The following MSRA variants were observed in gnomAD, a reference collection of about 807,000 sequenced individuals.
The protein encoded by MSRA is mitochondrial peptide methionine sulfoxide reductase.
In MSRA, 54 loss-of-function variants were observed where a neutral mutation model predicts 31.3. That is an observed-to-expected ratio of 1.73 (90% CI 1.39 to 2.17). MSRA has a LOEUF of 2.17. MSRA is among the 30% of genes most tolerant of loss of function. MSRA has a pLI of 0.00. For synonymous variants in MSRA, 169 were observed against 116.5 expected (o/e 1.45, Z -2.90); for missense variants, 507 against 300.9 (o/e 1.69, Z -5.07).
intron 3 of MSRA, among the ~76,000 whole-genome samples, chr8:10,257,881 C>T (rs983722588): frequency 3.9e-5 from 6 of 152,224 alleles, no homozygotes; most frequent in East Asian, 1.9e-4. Flanking sequence ...GCCAGGTCAG[C>T]GCAGCAGAGA....
At chr8:10,116,568 A>G (rs992825717) in intron 1 of MSRA, among the ~76,000 whole-genome samples, 1 of 152,198 alleles carries the variant, frequency 6.6e-6, no homozygotes, top group African/African-American at 2.4e-5. Context: ...TAAGTAGACA[A>G]ATCACTTGGA....
chr8:10,195,727 T>C (rs1406315584), intron 1 of MSRA, among the ~76,000 whole-genome samples: 1 of 152,220 alleles, frequency 6.6e-6, no homozygotes, highest in East Asian at 1.9e-4. Context: ...TAAAGTCACA[T>C]ATTTAGCTAT....
intron 1 of MSRA, among the ~76,000 whole-genome samples, chr8:10,116,547 AG>A (rs1800692501): frequency 6.6e-6 from 1 of 152,240 alleles, no homozygotes; most frequent in African/African-American, 2.4e-5. Context: ...GTAGGCTGGT[AG>A]CCATCTAGAT....
chr8:10,337,229 G>C (rs888641426), intron 5 of MSRA: 1 of 152,862 alleles, frequency 6.5e-6, no homozygotes. Flanking sequence ...ACCCAGGCTG[G>C]AGTGCAGTGG....
intron 5 of MSRA, among the ~76,000 whole-genome samples, chr8:10,347,013 C>A (rs954773916): frequency 3.3e-5 from 5 of 152,204 alleles, no homozygotes; most frequent in Admixed American, 6.5e-5. Flanking sequence ...TCCTCACAGA[C>A]CCTCTTTCCA....
intron 1 of MSRA, among the ~76,000 whole-genome samples, chr8:10,103,294 T>C (rs1291745959): frequency 6.6e-6 from 1 of 152,224 alleles, no homozygotes; most frequent in Non-Finnish European, 1.5e-5. Flanking sequence ...TAAAGTATTC[T>C]GTTTCATTTG....
At chr8:10,142,905 A>G (rs530280937) in intron 1 of MSRA, among the ~76,000 whole-genome samples, 1 of 152,322 alleles carries the variant, frequency 6.6e-6, no homozygotes, top group Non-Finnish European at 1.5e-5. Context: ...TTTATTTCCA[A>G]AAACTCTAAT....
At chr8:10,173,596 G>A (rs375768066) in intron 1 of MSRA, among the ~76,000 whole-genome samples, 5 of 152,080 alleles carry the variant, frequency 3.3e-5, no homozygotes, top group South Asian at 2.1e-4. Context: ...CACCTCAAAC[G>A]TATGCTCAGC....
At chr8:10,281,695 A>G (rs894330226) in intron 3 of MSRA, among the ~76,000 whole-genome samples, 16 of 152,204 alleles carry the variant, frequency 1.1e-4, no homozygotes, top group African/African-American at 3.9e-4. Context: ...ACCGGGTTCT[A>G]TGGAGTGGCT....
At chr8:10,135,207 G>A (rs561700461) in intron 1 of MSRA, among the ~76,000 whole-genome samples, 3 of 152,322 alleles carry the variant, frequency 2.0e-5, no homozygotes, top group South Asian at 4.1e-4. Context: ...AATACCTGCC[G>A]TGGTTCCCCA....
intron 4 of MSRA, among the ~76,000 whole-genome samples, chr8:10,306,027 A>T (rs1029443519): frequency 2.0e-5 from 3 of 152,160 alleles, no homozygotes; most frequent in African/African-American, 7.2e-5. Context: ...TTTCTTACTC[A>T]TGGGATGAAG....
At chr8:10,158,229 G>T (rs1374505558) in intron 1 of MSRA, among the ~76,000 whole-genome samples, 1 of 152,190 alleles carries the variant, frequency 6.6e-6, no homozygotes, top group African/African-American at 2.4e-5. Flanking sequence ...GTCAACATCT[G>T]GACTTCAAGA....
At chr8:10,138,397 G>A (rs1159681873) in intron 1 of MSRA, among the ~76,000 whole-genome samples, 1 of 152,086 alleles carries the variant, frequency 6.6e-6, no homozygotes, top group South Asian at 2.1e-4. Flanking sequence ...CCCAAGGCAG[G>A]GCAGAATCTT....
At chr8:10,145,016 TTC>T (rs1278957006) in intron 1 of MSRA, among the ~76,000 whole-genome samples, 1 of 152,236 alleles carries the variant, frequency 6.6e-6, no homozygotes, top group Non-Finnish European at 1.5e-5. Context: ...CTCCCTGCTT[TTC>T]CTTTCAGACA....
chr8:10,085,289 C>A (rs1319481840), intron 1 of MSRA, among the ~76,000 whole-genome samples: 1 of 152,214 alleles, frequency 6.6e-6, no homozygotes, highest in Admixed American at 6.5e-5. Flanking sequence ...TTCCACTCAT[C>A]CTCATGGCCC....
intron 5 of MSRA, chr8:10,353,505 C>T: frequency 1.7e-5 from 7 of 416,982 alleles, no homozygotes; most frequent in South Asian, 1.0e-4. Context: ...GCCCGTGTAT[C>T]TGTGTTAGCA....
intron 3 of MSRA, among the ~76,000 whole-genome samples, chr8:10,296,552 C>G (rs546640083): frequency 2.0e-5 from 3 of 152,200 alleles, no homozygotes; most frequent in Non-Finnish European, 4.4e-5. Flanking sequence ...CTTGTGACTT[C>G]TATTCCAATT....
At chr8:10,410,795 G>T (rs774113940) in intron 5 of MSRA, among the ~76,000 whole-genome samples, 2 of 152,176 alleles carry the variant, frequency 1.3e-5, no homozygotes, top group Admixed American at 6.5e-5. Flanking sequence ...AGTTAACATG[G>T]ATTTTTATTG....
intron 5 of MSRA, among the ~76,000 whole-genome samples, chr8:10,350,887 A>G (rs1356323964): frequency 6.6e-6 from 1 of 152,018 alleles, no homozygotes; most frequent in Non-Finnish European, 1.5e-5. Flanking sequence ...CAGGGAGGGG[A>G]AGTGGCAAGT....
Sources: allele counts gnomAD v4.1 joint callset (sites outside exome capture counted in the v4.1 genomes callset), GRCh38; gene constraint gnomAD v4.1.1; transcripts MANE v1.5; gene names NCBI Gene and HGNC (gene_info 2026-07-23, HGNC 2026-07-21).